Variants in TENM3 observed in about 807,000 individuals in gnomAD.
The protein encoded by TENM3 is teneurin transmembrane protein 3.
TENM3 carries 63 observed loss-of-function variants against 255.1 expected under a neutral mutation model. That is an observed-to-expected ratio of 0.25 (90% CI 0.20 to 0.30). The LOEUF is 0.30. Among genes scored for constraint, TENM3 ranks in the 10% least tolerant of loss-of-function variants. The probability of loss-of-function intolerance (pLI) is 1.00; values close to 1 mark genes in which losing one functional copy is unlikely to be tolerated. For missense variants in TENM3, 2,929 were observed against 3,461.1 expected (o/e 0.85, Z 3.86); for synonymous variants, 1,306 against 1,322.3 (o/e 0.99, Z 0.27).
the TENM3 span, among the ~76,000 whole-genome samples, chr4:181,465,195 A>G: frequency 6.6e-6 from 1 of 151,912 alleles, no homozygotes; most frequent in Non-Finnish European, 1.5e-5. Context: ...AAAAAATTGT[A>G]CCCATCCTTT....
Position 182,749,762 on chromosome 4 carries a change from G to GA in TENM3, c.3630-2030dup, listed in dbSNP as rs377685390. Reference sequence around the variant, plus strand: ...TACTCAAAAGATGTACAACTGAGAAGAAAAAAAAGTATGTGTGTTATGTAT... The same window carrying GA: ...TACTCAAAAGATGTACAACTGAGAAGAAAAAAAAAGTATGTGTGTTATGTAT... On this transcript the variant is annotated intron_variant, in intron 19 of 27. Transcript: ENST00000511685. 8.5e-3 allele frequency among the ~76,000 whole-genome samples: 1,291 copies of GA among 151,790 alleles called. 8 individuals carry two copies. Among genetic ancestry groups the GA allele is most frequent in the South Asian group, 0.017 (82 of 4,810 alleles).
the TENM3 span, among the ~76,000 whole-genome samples, chr4:181,937,270 A>G: frequency 6.6e-6 from 1 of 152,232 alleles, no homozygotes; most frequent in Non-Finnish European, 1.5e-5. Flanking sequence ...TTCCCAGACT[A>G]TGGAGGGCCT....
At chr4:182,596,068 T>C (rs1256342043) in intron 3 of TENM3, among the ~76,000 whole-genome samples, 1 of 152,164 alleles carries the variant, frequency 6.6e-6, no homozygotes, top group Admixed American at 6.5e-5. Context: ...ATAAATGTCA[T>C]CAATCAATCA....
chr4:182,161,628 A>C (rs1474898005), intron 1 of TENM3, among the ~76,000 whole-genome samples: 1,106 of 83,978 alleles, frequency 0.013, 39 homozygotes, highest in East Asian at 0.078. Context: ...TATATATACA[A>C]ATATATATAT....
chr4:181,605,601 GAAAGAAAGAAAGAAAA>G, the TENM3 span, among the ~76,000 whole-genome samples: 4,611 of 127,398 alleles, frequency 0.036, 581 homozygotes, highest in Non-Finnish European at 0.053. Context: ...AAGAAAGAAA[GAAAGAAAGAAAGAAAA>G]GAAAGAACAA....
chr4:181,542,950 T>C, the TENM3 span, among the ~76,000 whole-genome samples: 8 of 152,184 alleles, frequency 5.3e-5, no homozygotes, highest in African/African-American at 1.9e-4. Flanking sequence ...TCGTATTATT[T>C]CCTCTTCAGA....
At chr4:181,995,384 T>C in the TENM3 span, among the ~76,000 whole-genome samples, 1 of 152,182 alleles carries the variant, frequency 6.6e-6, no homozygotes, top group Non-Finnish European at 1.5e-5. Context: ...CTAAGTCAAT[T>C]GTTCAATAAC....
At chr4:182,356,400 T>C (rs937196571) in intron 3 of TENM3, among the ~76,000 whole-genome samples, 1 of 152,082 alleles carries the variant, frequency 6.6e-6, no homozygotes, top group Non-Finnish European at 1.5e-5. Flanking sequence ...ATCGTGGTAG[T>C]TCAGAGTGGA....
At chr4:182,178,166 G>A (rs150598968) in intron 1 of TENM3, among the ~76,000 whole-genome samples, 21 of 152,134 alleles carry the variant, frequency 1.4e-4, no homozygotes, top group African/African-American at 5.1e-4. Flanking sequence ...TGATCGAATT[G>A]CCCATCTATA....
intron 1 of TENM3, among the ~76,000 whole-genome samples, chr4:182,254,010 C>G (rs1315362659): frequency 2.0e-5 from 3 of 152,086 alleles, no homozygotes; most frequent in African/African-American, 7.2e-5. Flanking sequence ...TTCCTTGTAT[C>G]TTTCACCCAT....
chr4:182,685,027 C>G (rs1756465846), intron 11 of TENM3, among the ~76,000 whole-genome samples: 11 of 152,144 alleles, frequency 7.2e-5, no homozygotes. Flanking sequence ...TCTTTACCTA[C>G]TACAGATTGA....
At chr4:181,486,263 A>G in the TENM3 span, among the ~76,000 whole-genome samples, 35 of 152,294 alleles carry the variant, frequency 2.3e-4, no homozygotes, top group African/African-American at 8.2e-4. Context: ...GGGCACACAC[A>G]GAAGCCATAT....
the TENM3 span, among the ~76,000 whole-genome samples, chr4:181,695,059 A>G: frequency 1.3e-5 from 2 of 152,326 alleles, no homozygotes; most frequent in East Asian, 1.9e-4. Flanking sequence ...CATGGGAAAT[A>G]TAAAGTATGA....
At chr4:182,197,110 T>C (rs80167775) in intron 1 of TENM3, among the ~76,000 whole-genome samples, 2,187 of 152,354 alleles carry the variant, frequency 0.014, 30 homozygotes, top group Middle Eastern at 0.068. Context: ...ACTGATGACA[T>C]TATTTGTTAA....
At chr4:182,417,165 A>G (rs1269042095) in intron 3 of TENM3, among the ~76,000 whole-genome samples, 1 of 151,570 alleles carries the variant, frequency 6.6e-6, no homozygotes, top group Non-Finnish European at 1.5e-5. Context: ...TTTAGTAGAG[A>G]TGGGGTTTCA....
At chr4:182,268,106 AG>A (rs1759362395) in intron 1 of TENM3, among the ~76,000 whole-genome samples, 1 of 152,340 alleles carries the variant, frequency 6.6e-6, no homozygotes, top group African/African-American at 2.4e-5. Context: ...TTCATAAAAA[AG>A]CCTTCTAATT....
At chr4:182,568,743 T>C (rs1388961858) in intron 3 of TENM3, among the ~76,000 whole-genome samples, 2 of 152,126 alleles carry the variant, frequency 1.3e-5, no homozygotes, top group Non-Finnish European at 2.9e-5. Context: ...CTGATGTCCA[T>C]CAGTAGGAGA....
At chr4:181,867,330 C>T in the TENM3 span, among the ~76,000 whole-genome samples, 5 of 152,062 alleles carry the variant, frequency 3.3e-5, no homozygotes, top group African/African-American at 1.2e-4. Flanking sequence ...ACTTGGGCTG[C>T]CCCCATCCAA....
At chr4:181,582,338 T>C in the TENM3 span, among the ~76,000 whole-genome samples, 39 of 152,280 alleles carry the variant, frequency 2.6e-4, no homozygotes, top group African/African-American at 8.9e-4. Context: ...GAACAAGTGC[T>C]AGCTCATCCT....
Sources: allele counts gnomAD v4.1 joint callset (sites outside exome capture counted in the v4.1 genomes callset), GRCh38; gene constraint gnomAD v4.1.1; transcripts MANE v1.5; gene names NCBI Gene and HGNC (gene_info 2026-07-23, HGNC 2026-07-21).